Variants in SLIT1 observed in about 807,000 individuals in gnomAD.
SLIT1 encodes the protein slit homolog 1 protein.
In SLIT1, 66 loss-of-function variants were observed where a neutral mutation model predicts 186.1. That is an observed-to-expected ratio of 0.35 (90% CI 0.29 to 0.44). SLIT1 has a LOEUF of 0.44. Among genes scored for constraint, SLIT1 ranks in the 20% least tolerant of loss-of-function variants. The pLI is 1.00. For missense variants in SLIT1, 1,638 were observed against 2,037.4 expected (o/e 0.80, Z 3.77); for synonymous variants, 761 against 833.8 (o/e 0.91, Z 1.50).
intron 4 of SLIT1, among the ~76,000 whole-genome samples, chr10:97,144,334 C>T (rs1365762488): frequency 6.6e-6 from 1 of 152,140 alleles, no homozygotes; most frequent in African/African-American, 2.4e-5. Flanking sequence ...GTAGTAAGTT[C>T]TAATTCATGT....
Position 97,166,743 on chromosome 10 carries a change from C to T in SLIT1, c.198-1853G>A, listed in dbSNP as rs141373628. Among the ~76,000 whole-genome samples the T allele has an allele frequency of 1.1e-4, 17 of 152,240 alleles. No individual in the cohort carries two copies. In the East Asian group the frequency reaches 3.3e-3, roughly 29 times the overall value. ...GTTCTAGGGTTGCTTCCACTAAGAT[C>T]AGCAACACATAGATTCCTTTTCTGC... On this transcript the variant is annotated intron_variant, in intron 1 of 36. Transcript: ENST00000266058.
chr10:97,018,321 C>T (rs559036110), intron 28 of SLIT1, among the ~76,000 whole-genome samples: 4 of 152,354 alleles, frequency 2.6e-5, no homozygotes, highest in African/African-American at 9.6e-5. Context: ...CCCTGCTCAA[C>T]CCTGGAGCTG....
intron 4 of SLIT1, among the ~76,000 whole-genome samples, chr10:97,141,671 T>TGTATTGTATTGTATC (rs1317197275): frequency 3.0e-5 from 4 of 134,914 alleles, no homozygotes; most frequent in African/African-American, 1.3e-4. Context: ...TGCATTGCAT[T>TGTATTGTATTGTATC]GTATCGTATT....
intron 18 of SLIT1, among the ~76,000 whole-genome samples, chr10:97,044,692 C>A (rs766823076): frequency 1.3e-5 from 2 of 152,118 alleles, no homozygotes; most frequent in Non-Finnish European, 2.9e-5. Flanking sequence ...CAGGAGATGC[C>A]TTTATACCTC....
At chr10:97,107,618 T>C (rs1849426675) in intron 4 of SLIT1, among the ~76,000 whole-genome samples, 2 of 152,160 alleles carry the variant, frequency 1.3e-5, no homozygotes, top group East Asian at 1.9e-4. Context: ...GCCCAGCTAA[T>C]TTTTGGAAAA....
chr10:97,038,132 C>A (rs148346056), intron 21 of SLIT1, among the ~76,000 whole-genome samples: 4 of 152,118 alleles, frequency 2.6e-5, no homozygotes, highest in Non-Finnish European at 1.5e-5. Context: ...CGTTACCGGG[C>A]CCTGCCAGCT....
At chr10:97,060,065 G>A (rs1564664782) in intron 10 of SLIT1, 22 bp downstream of exon 10, 1 of 1,594,160 alleles carries the variant, frequency 6.3e-7, no homozygotes, top group Non-Finnish European at 8.6e-7. Flanking sequence ...CAGCTCCCCA[G>A]GAAGCAGTGG....
At chr10:97,047,625 G>A (rs1258291183) in intron 16 of SLIT1, 65 bp downstream of exon 16, 9 of 1,500,458 alleles carry the variant, frequency 6.0e-6, no homozygotes, top group Non-Finnish European at 8.3e-6. Flanking sequence ...AAATCCTGGA[G>A]TAGGCCAAGG....
At chr10:97,149,545 T>C (rs1475020334) in intron 4 of SLIT1, among the ~76,000 whole-genome samples, 2 of 152,068 alleles carry the variant, frequency 1.3e-5, no homozygotes, top group Non-Finnish European at 2.9e-5. Context: ...GAGCAAGGCT[T>C]CTCAAGCACG....
chr10:97,129,517 C>T (rs748350536), intron 4 of SLIT1, among the ~76,000 whole-genome samples: 5 of 152,190 alleles, frequency 3.3e-5, no homozygotes, highest in Non-Finnish European at 5.9e-5. Flanking sequence ...TGTTACTAGA[C>T]GTGGACTGTT....
intron 4 of SLIT1, among the ~76,000 whole-genome samples, chr10:97,147,636 G>T (rs561256957): frequency 2.2e-4 from 34 of 151,990 alleles, no homozygotes; most frequent in South Asian, 4.2e-4. Context: ...AGCTGGGAGG[G>T]GGGGGAAGGA....
At chr10:97,023,806 G>A (rs1848521842) in intron 25 of SLIT1, among the ~76,000 whole-genome samples, 1 of 152,170 alleles carries the variant, frequency 6.6e-6, no homozygotes, top group Non-Finnish European at 1.5e-5. Flanking sequence ...AGCCGGGTGT[G>A]GTGGCACATG....
At position 97,064,233 on chromosome 10, in the gene SLIT1, C is replaced by T. The variant is rs139861580; in HGVS notation, c.564G>A (p.Leu188=). 1.9e-6 allele frequency: 3 copies of T among 1,613,536 alleles called. No individual in the cohort carries two copies. Among genetic ancestry groups the T allele is most frequent in the African/African-American group, 2.7e-5 (2 of 74,900 alleles). The change falls in exon 7 of 37, where the codon CTG becomes CTA. Residue 188 remains leucine, a synonymous_variant. Transcript: ENST00000266058. ...RALRGLEVLT[L]NNNNITTIPV... ...GGATGGTGGTGATATTGTTGTTGTTCAGGGTCCTAAATGGGAAAAACCAGA... is the reference window on the plus strand; with the variant it reads ...GGATGGTGGTGATATTGTTGTTGTTTAGGGTCCTAAATGGGAAAAACCAGA...
At chr10:97,109,531 G>A (rs370163422) in intron 4 of SLIT1, among the ~76,000 whole-genome samples, 4 of 152,148 alleles carry the variant, frequency 2.6e-5, no homozygotes, top group Non-Finnish European at 2.9e-5. Flanking sequence ...GGTTCCTGCC[G>A]CTCCATGCAT....
At position 97,068,146 on chromosome 10, in the gene SLIT1, T is replaced by TGAATGAAC. The variant is rs1385940497; in HGVS notation, c.414-2061_414-2060insGTTCATTC. Among the ~76,000 whole-genome samples the TGAATGAAC allele has an allele frequency of 2.0e-5, 3 of 152,134 alleles. No homozygotes were observed. The highest frequency in any genetic ancestry group is 7.2e-5 in the African/African-American group (3 of 41,458). The stretch of plus-strand genomic sequence containing the variant: ...GCCAAGCATTTGTTGAATGAATGAA[T>TGAATGAAC]GAATGAATGAATGATGGAACTGGAG... On this transcript the variant is annotated intron_variant, in intron 4 of 36. Transcript: ENST00000266058. The surrounding 1 kb of genome is among the most constrained non-coding windows in gnomAD (Gnocchi z 4.2).
At chr10:97,147,541 G>C (rs1159122854) in intron 4 of SLIT1, among the ~76,000 whole-genome samples, 1 of 152,052 alleles carries the variant, frequency 6.6e-6, no homozygotes, top group Admixed American at 6.6e-5. Flanking sequence ...GTGATGGGAA[G>C]GTGGCATTTC....
At chr10:97,145,405 T>C (rs2134707633) in intron 4 of SLIT1, among the ~76,000 whole-genome samples, 1 of 152,324 alleles carries the variant, frequency 6.6e-6, no homozygotes, top group African/African-American at 2.4e-5. Context: ...CGTGAGCCAC[T>C]GTGCCTGACC....
rs775603869 is a variant in SLIT1, at chr10:97,047,016, TA to T, written c.1683del (p.Phe561LeufsTer7). The T allele has an allele frequency of 6.2e-7, 1 of 1,612,972 alleles. No homozygotes were observed. Among genetic ancestry groups the T allele is most frequent in the Non-Finnish European group, 8.5e-7 (1 of 1,178,898 alleles). On this transcript the variant is annotated frameshift_variant, in exon 17 of 37. Transcript: ENST00000266058. LOFTEE classifies it high-confidence loss of function. ...EISILEATGMFKKLTHLKKIN... is the reference protein window; with the variant it reads ...EISILEATGMXKKLTHLKKIN... ...ATTTTCTTCAGATGTGTAAGTTTTT[TA>T]AACATCCCAGTGGCCTCCAGGATGG...
chr10:97,164,823 C>T lies in SLIT1; in HGVS notation c.265G>A (p.Val89Met), dbSNP rs369993322. Residue 89 changes from valine to methionine, a missense_variant, in exon 2 of 37, where the codon GTG becomes ATG. Val to Met is a conservative substitution (Grantham distance 21). Coordinates refer to ENST00000266058, the MANE Select transcript of SLIT1 (RefSeq NM_003061.3). The part of the protein sequence containing the change: ...NDFAGLKQLR[V>M]LQLMENQIGA... ...GAGGGAGCACCCCATACTCACAGCA[C>T]CCGCAGCTGCTTGAGCCCCGCAAAG... The T allele has an allele frequency of 3.3e-5, 53 of 1,612,572 alleles. No individual in the cohort carries two copies. Among genetic ancestry groups the T allele is most frequent in the Non-Finnish European group, 4.1e-5 (48 of 1,178,814 alleles).
Sources: gnomAD v4.1 joint callset for allele counts (sites outside exome capture counted in the v4.1 genomes callset) on GRCh38, gnomAD v4.1.1 for gene constraint, Gnocchi (gnomAD v3.1) non-coding constraint, MANE v1.5 for transcripts, NCBI Gene and HGNC (gene_info 2026-07-23, HGNC 2026-07-21) for gene names.